SUPT3H: variants seen among roughly 807,000 people sequenced by gnomAD.
SUPT3H encodes transcription initiation protein SPT3 homolog.
In SUPT3H, 44 loss-of-function variants were observed where a neutral mutation model predicts 44.3. The ratio of observed to expected loss-of-function variants is 0.99; its 90% CI spans 0.78 to 1.28. SUPT3H has a LOEUF of 1.28. Among genes scored for constraint, SUPT3H ranks in the 50% most tolerant of loss-of-function variants. The probability of loss-of-function intolerance (pLI) is 0.00; values close to 1 mark genes in which losing one functional copy is unlikely to be tolerated. For synonymous variants in SUPT3H, 124 were observed against 125.6 expected (o/e 0.99, Z 0.09); for missense variants, 380 against 387.1 (o/e 0.98, Z 0.15).
chr6:44,973,686 A>G (rs558495813), intron 6 of SUPT3H, among the ~76,000 whole-genome samples: 3 of 152,214 alleles, frequency 2.0e-5, no homozygotes, highest in Non-Finnish European at 4.4e-5. Flanking sequence ...TAATAAAGAC[A>G]TACCAGAGAT....
At chr6:44,988,297 T>G (rs1318196041) in intron 6 of SUPT3H, among the ~76,000 whole-genome samples, 3 of 151,950 alleles carry the variant, frequency 2.0e-5, no homozygotes, top group African/African-American at 7.3e-5. Context: ...AGCCACTACA[T>G]ATCAATGTCA....
At chr6:45,211,863 AAG>A (rs1279534651) in intron 2 of SUPT3H, among the ~76,000 whole-genome samples, 4 of 151,460 alleles carry the variant, frequency 2.6e-5, no homozygotes, top group Non-Finnish European at 4.4e-5. Context: ...AAAAAAAAAA[AAG>A]AGAGAGAGAA....
At chr6:44,866,570 C>A (rs571802671) in intron 10 of SUPT3H, among the ~76,000 whole-genome samples, 1 of 151,900 alleles carries the variant, frequency 6.6e-6, no homozygotes, top group African/African-American at 2.4e-5. Context: ...TCTATACAAG[C>A]AACTCCTTCT....
At chr6:45,081,586 T>C (rs770896199) in intron 3 of SUPT3H, among the ~76,000 whole-genome samples, 5 of 152,230 alleles carry the variant, frequency 3.3e-5, no homozygotes, top group Admixed American at 6.5e-5. Context: ...TATCAATAAG[T>C]CTTTGATGAG....
At chr6:45,136,815 G>A (rs141580382) in intron 2 of SUPT3H, among the ~76,000 whole-genome samples, 1 of 152,018 alleles carries the variant, frequency 6.6e-6, no homozygotes, top group African/African-American at 2.4e-5. Flanking sequence ...ACACACAAGT[G>A]TACCAATGTG....
chr6:45,360,121 T>C (rs1175073914), intron 2 of SUPT3H, among the ~76,000 whole-genome samples: 1 of 152,232 alleles, frequency 6.6e-6, no homozygotes, highest in African/African-American at 2.4e-5. Context: ...TAGTTTAGCA[T>C]AAGTGCAACA....
chr6:45,157,745 C>T (rs1216679977), intron 2 of SUPT3H, among the ~76,000 whole-genome samples: 1 of 151,632 alleles, frequency 6.6e-6, no homozygotes, highest in Non-Finnish European at 1.5e-5. Context: ...GACAGGGTTT[C>T]ACCATGTTGG....
chr6:44,898,106 T>A (rs570118316), intron 10 of SUPT3H, among the ~76,000 whole-genome samples: 89 of 152,326 alleles, frequency 5.8e-4, no homozygotes, highest in African/African-American at 2.0e-3. Flanking sequence ...AGAATTTGCA[T>A]CTTATGATCC....
At chr6:45,260,231 G>C (rs891772647) in intron 2 of SUPT3H, among the ~76,000 whole-genome samples, 1 of 152,010 alleles carries the variant, frequency 6.6e-6, no homozygotes, top group Non-Finnish European at 1.5e-5. Flanking sequence ...TACATTCTAC[G>C]CAGGGAACTG....
At chr6:44,864,712 G>A (rs1775210539) in intron 10 of SUPT3H, among the ~76,000 whole-genome samples, 1 of 152,120 alleles carries the variant, frequency 6.6e-6, no homozygotes, top group South Asian at 2.1e-4. Context: ...CAAGTCCCTA[G>A]GCTGCACACA....
At chr6:45,089,625 T>G (rs1374901615) in intron 3 of SUPT3H, among the ~76,000 whole-genome samples, 2 of 152,022 alleles carry the variant, frequency 1.3e-5, no homozygotes, top group East Asian at 3.9e-4. Context: ...TTATCTTTTA[T>G]TTAACCTTCC....
intron 2 of SUPT3H, among the ~76,000 whole-genome samples, chr6:45,242,461 A>G (rs1770540449): frequency 1.3e-5 from 2 of 152,174 alleles, no homozygotes. Context: ...AGACACAACC[A>G]TAGGGGAGCT....
chr6:45,282,351 G>A lies in SUPT3H; in HGVS notation c.101+82850C>T, dbSNP rs563988640. Among the ~76,000 whole-genome samples the A allele has an allele frequency of 7.6e-3, 1,153 of 151,896 alleles. 21 individuals carry two copies. Among genetic ancestry groups the A allele is most frequent in the African/African-American group, 0.026 (1,091 of 41,384 alleles). On this transcript the variant is annotated intron_variant, in intron 2 of 10. Coordinates refer to ENST00000371459, the MANE Select transcript of SUPT3H (RefSeq NM_003599.4). ...AAAAACCTTGAAAAAAAAATTAGACGAATGGCTAACTAGAATAACCAATGC... is the reference window on the plus strand; with the variant it reads ...AAAAACCTTGAAAAAAAAATTAGACAAATGGCTAACTAGAATAACCAATGC...
intron 3 of SUPT3H, among the ~76,000 whole-genome samples, chr6:45,091,998 A>G (rs937429388): frequency 2.6e-5 from 4 of 152,058 alleles, no homozygotes; most frequent in Admixed American, 1.3e-4. Flanking sequence ...AGGAAACTTG[A>G]TATTTTAATA....
intron 2 of SUPT3H, among the ~76,000 whole-genome samples, chr6:45,248,677 G>A (rs1479557216): frequency 6.6e-6 from 1 of 152,130 alleles, no homozygotes; most frequent in Non-Finnish European, 1.5e-5. Flanking sequence ...AGCACTTTGG[G>A]AGGCCAAGGT....
chr6:44,852,757 A>C (rs975040025), intron 10 of SUPT3H, among the ~76,000 whole-genome samples: 5 of 152,228 alleles, frequency 3.3e-5, no homozygotes, highest in African/African-American at 1.2e-4. Context: ...ATCAGCATAC[A>C]AAAGGTCTTG....
chr6:45,345,196 G>A (rs1790596049), intron 2 of SUPT3H, among the ~76,000 whole-genome samples: 1 of 152,078 alleles, frequency 6.6e-6, no homozygotes, highest in African/African-American at 2.4e-5. Flanking sequence ...TCAAAGATAA[G>A]CTATTACAAT....
At position 44,828,526 on chromosome 6, in the gene SUPT3H, G is replaced by C. The variant is rs1211218500; in HGVS notation, c.*1290C>G. On this transcript the variant is annotated 3_prime_UTR_variant, in exon 11 of 11. Coordinates refer to ENST00000371459, the MANE Select transcript of SUPT3H (RefSeq NM_003599.4). ...AATTTAAAATTGAAACAGTGTTTTTGAATCGCAACTATTACAATATAAGAA... is the reference window on the plus strand; with the variant it reads ...AATTTAAAATTGAAACAGTGTTTTTCAATCGCAACTATTACAATATAAGAA... Among the ~76,000 whole-genome samples the C allele has an allele frequency of 2.6e-5, 4 of 152,214 alleles. No homozygotes were observed. In the East Asian group the frequency reaches 7.7e-4, roughly 29 times the overall value.
chr6:45,281,377 C>T (rs576930140), intron 2 of SUPT3H, among the ~76,000 whole-genome samples: 9 of 152,310 alleles, frequency 5.9e-5, no homozygotes, highest in African/African-American at 1.2e-4. Flanking sequence ...CCTGGAAAAT[C>T]GGGTCATTCC....
Sources: gnomAD v4.1 joint callset for allele counts (sites outside exome capture counted in the v4.1 genomes callset) on GRCh38, gnomAD v4.1.1 for gene constraint, MANE v1.5 for transcripts, NCBI Gene and HGNC (gene_info 2026-07-23, HGNC 2026-07-21) for gene names.